CACNA1C: variants seen among roughly 807,000 people sequenced by gnomAD.
CACNA1C encodes the protein calcium voltage-gated channel subunit alpha1 C, also known as voltage-dependent L-type calcium channel subunit alpha-1C.
A neutral mutation model predicts 229.0 loss-of-function variants in CACNA1C; 30 were observed. The observed-to-expected ratio is 0.13, with a 90% CI of 0.10 to 0.18. The LOEUF is 0.18. CACNA1C is among the 10% of genes least tolerant of loss of function. The pLI, the probability that CACNA1C is intolerant of heterozygous loss-of-function variation, is 1.00. For missense variants in CACNA1C, 1,658 were observed against 2,845.0 expected (o/e 0.58, Z 9.49); for synonymous variants, 1,114 against 1,132.5 (o/e 0.98, Z 0.33).
At chr12:2,669,188 G>A (rs1044316295) in intron 38 of CACNA1C, among the ~76,000 whole-genome samples, 153 bp downstream of exon 38, 5 of 152,102 alleles carry the variant, frequency 3.3e-5, no homozygotes, top group East Asian at 1.9e-4. Context: ...CCAGGACATC[G>A]CAGGGCCCCA....
At chr12:2,418,263 T>C (rs972669684) in intron 3 of CACNA1C, among the ~76,000 whole-genome samples, 4 of 152,156 alleles carry the variant, frequency 2.6e-5, no homozygotes, top group Non-Finnish European at 5.9e-5. Flanking sequence ...CCACCTCTTT[T>C]GCCTTTGGAT....
At position 2,410,520 on chromosome 12, in the gene CACNA1C, A is replaced by G. The variant is rs1279860196; in HGVS notation, c.478-38456A>G. Among the ~76,000 whole-genome samples, 2 of 152,240 alleles carry G rather than the reference A, an allele frequency of 1.3e-5. No homozygotes were observed. Among genetic ancestry groups the G allele is most frequent in the African/African-American group, 4.8e-5 (2 of 41,462 alleles). On this transcript the variant is annotated intron_variant, in intron 3 of 46. Transcript: ENST00000399655. The surrounding 1 kb of genome is among the most constrained non-coding windows in gnomAD (Gnocchi z 5.3). Reference sequence around the variant, plus strand: ...GATGCCAAAACCAAATATTTAAAGTAAATGAGGAAAAAATATGCTTGGAGT... The same window carrying G: ...GATGCCAAAACCAAATATTTAAAGTGAATGAGGAAAAAATATGCTTGGAGT...
chr12:2,573,670 G>A (rs1248421951), intron 13 of CACNA1C, among the ~76,000 whole-genome samples: 1 of 152,196 alleles, frequency 6.6e-6, no homozygotes, highest in Non-Finnish European at 1.5e-5. Context: ...TCACCCTGAG[G>A]TCATGACACA....
intron 30 of CACNA1C, among the ~76,000 whole-genome samples, chr12:2,637,429 CCT>C (rs2092919499): frequency 6.6e-6 from 1 of 152,182 alleles, no homozygotes; most frequent in African/African-American, 2.4e-5. Context: ...AGTCGAAAGC[CCT>C]GTTTCCCAGA....
intron 1 of CACNA1C, among the ~76,000 whole-genome samples, chr12:2,024,895 G>A (rs2047048261): frequency 1.3e-5 from 2 of 152,200 alleles, no homozygotes; most frequent in Admixed American, 1.3e-4. Flanking sequence ...CTCAGCTGGT[G>A]TGGCCATGGC....
chr12:2,076,142 C>T (rs965917023), intron 1 of CACNA1C, among the ~76,000 whole-genome samples: 7 of 152,154 alleles, frequency 4.6e-5, no homozygotes, highest in African/African-American at 1.7e-4. Flanking sequence ...TCTGCCTTTC[C>T]TGACTTGAGA....
chr12:2,025,042 G>A (rs1007687528), intron 1 of CACNA1C, among the ~76,000 whole-genome samples: 2 of 152,192 alleles, frequency 1.3e-5, no homozygotes, highest in East Asian at 3.9e-4. Flanking sequence ...ATTTGTCACA[G>A]TGGAGGCTCC....
rs908920181 is a variant in CACNA1C at position 2,486,649 on chromosome 12, G to A, written c.916+387G>A. ...CTCCTTCCATGCTTCAGTGTGGTTG[G>A]CCATTGGGAGCCCTTTCACGGGGCC... On this transcript the variant is annotated intron_variant, in intron 6 of 46. Transcript: ENST00000399655. This position sits in a 1 kb window ranked among gnomAD's most constrained non-coding sequence, Gnocchi z 4.9. Among the ~76,000 whole-genome samples the A allele has an allele frequency of 1.3e-5, 2 of 152,168 alleles. No individual in the cohort carries two copies. The highest frequency in any genetic ancestry group is 2.9e-5 in the Non-Finnish European group (2 of 68,038).
At chr12:2,412,815 A>G (rs2098823160) in intron 3 of CACNA1C, among the ~76,000 whole-genome samples, 1 of 152,232 alleles carries the variant, frequency 6.6e-6, no homozygotes, top group Non-Finnish European at 1.5e-5. Context: ...GGTTTGTCTC[A>G]TGTTGAGTAC....
rs530096244 is a variant in CACNA1C, at chr12:2,566,153, A to G, written c.1509-269A>G. Among the ~76,000 whole-genome samples, 1 of 152,362 alleles carries G rather than the reference A, an allele frequency of 6.6e-6. No individual in the cohort carries two copies. Among genetic ancestry groups the G allele is most frequent in the East Asian group, 1.9e-4 (1 of 5,190 alleles). ...CTTCAACTTCAAAGCAGCCAGATGCATTATAAGGTATTTGATCCATCCCCA... is the reference window on the plus strand; with the variant it reads ...CTTCAACTTCAAAGCAGCCAGATGCGTTATAAGGTATTTGATCCATCCCCA... On this transcript the variant is annotated intron_variant, in intron 11 of 46. Coordinates refer to ENST00000399655, the MANE Select transcript of CACNA1C (RefSeq NM_000719.7). The surrounding 1 kb of genome is among the most constrained non-coding windows in gnomAD (Gnocchi z 4.0).
At chr12:2,146,639 A>T (rs1416892253) in intron 3 of CACNA1C, among the ~76,000 whole-genome samples, 3 of 151,126 alleles carry the variant, frequency 2.0e-5, no homozygotes, top group Non-Finnish European at 4.4e-5. Context: ...GGAAAGGCAT[A>T]TTCTGTGTTT....
intron 1 of CACNA1C, among the ~76,000 whole-genome samples, chr12:2,088,708 G>A (rs1411320360): frequency 6.6e-6 from 1 of 152,118 alleles, no homozygotes; most frequent in African/African-American, 2.4e-5. Context: ...TATCTGAAGG[G>A]CCTCAGAGCA....
Position 2,113,103 on chromosome 12 carries a change from A to G in CACNA1C, c.50-2121A>G, listed in dbSNP as rs79013871. Among the ~76,000 whole-genome samples the G allele has an allele frequency of 6.7e-3, 1,015 of 152,264 alleles. 8 individuals carry two copies. The highest frequency in any genetic ancestry group is 0.023 in the African/African-American group (949 of 41,540). On this transcript the variant is annotated intron_variant, in intron 1 of 46. Coordinates refer to ENST00000399655, the MANE Select transcript of CACNA1C (RefSeq NM_000719.7). ...TCAGCCAGCCTTGCAGTACAGCCCT[A>G]ATGGAGGTCAGCCCCAAGAGGCCAC...
chr12:2,584,692 A>G (rs2061765755), intron 16 of CACNA1C, 75 bp downstream of exon 16: 1 of 1,024,556 alleles, frequency 9.8e-7, no homozygotes, highest in Non-Finnish European at 1.5e-6. Context: ...GGTGGCAGAG[A>G]GAGGCTTGAC....
chr12:1,995,521 CTG>C (rs2040586195), intron 1 of CACNA1C, among the ~76,000 whole-genome samples: 1 of 152,248 alleles, frequency 6.6e-6, no homozygotes, highest in African/African-American at 2.4e-5. Context: ...TCTTCTGAGA[CTG>C]TGAAGAACCT....
rs2085831730 is a variant in CACNA1C, at chr12:2,625,422, C to CG, written c.3829-8873dup. 5.9e-5 allele frequency among the ~76,000 whole-genome samples: 9 copies of CG among 152,292 alleles called. No homozygotes were observed. The South Asian group carries it at 1.9e-3, about 32-fold the overall frequency. On this transcript the variant is annotated intron_variant, in intron 29 of 46. Coordinates refer to ENST00000399655, the MANE Select transcript of CACNA1C (RefSeq NM_000719.7). ...GGATTCCCAGACCTACAGGGTGCGT[C>CG]GGCGATAACCCGACCCACCAAAGCC...
chr12:2,458,359 A>G (rs1468117476), intron 5 of CACNA1C, among the ~76,000 whole-genome samples: 1 of 152,116 alleles, frequency 6.6e-6, no homozygotes. Flanking sequence ...CTCTTCTGCC[A>G]CTTCTCCAGA....
In CACNA1C at chr12:2,486,432, T is replaced by C. The variant is rs887367598; in HGVS notation, c.916+170T>C. On this transcript the variant is annotated intron_variant, in intron 6 of 46. Transcript: ENST00000399655. This position sits in a 1 kb window ranked among gnomAD's most constrained non-coding sequence, Gnocchi z 4.9. ...GAGGCAGAGACCCGTATCCTTTTTT[T>C]CTCAGTTCCAATTTTTGTTTTAATC... 6.6e-6 allele frequency among the ~76,000 whole-genome samples: 1 copy of C among 152,218 alleles called. No individual in the cohort carries two copies. The highest frequency in any genetic ancestry group is 1.5e-5 in the Non-Finnish European group (1 of 68,042).
chr12:2,667,835 G>T (rs1461033182), intron 37 of CACNA1C, among the ~76,000 whole-genome samples: 2 of 152,178 alleles, frequency 1.3e-5, no homozygotes, highest in East Asian at 3.9e-4. Flanking sequence ...TTAGCAGGAG[G>T]TCACCGTGTG....
Sources: allele counts gnomAD v4.1 joint callset (sites outside exome capture counted in the v4.1 genomes callset), GRCh38; gene constraint gnomAD v4.1.1; non-coding constraint Gnocchi (gnomAD v3.1); transcripts MANE v1.5; gene names NCBI Gene and HGNC (gene_info 2026-07-23, HGNC 2026-07-21).